DPP10: variants seen among roughly 807,000 people sequenced by gnomAD.
The protein encoded by DPP10 is inactive dipeptidyl peptidase 10.
Under a neutral mutation model 120.9 loss-of-function variants are expected in DPP10, and 33 were observed. The observed-to-expected ratio is 0.27, with a 90% confidence interval of 0.21 to 0.37. The LOEUF (loss-of-function observed/expected upper bound fraction) is 0.37. Ranked by LOEUF, DPP10 falls within the 10% of genes least tolerant of loss-of-function variation. The pLI, the probability that DPP10 is intolerant of heterozygous loss-of-function variation, is 1.00. For synonymous variants in DPP10, 337 were observed against 326.1 expected (o/e 1.03, Z -0.36); for missense variants, 816 against 942.8 (o/e 0.87, Z 1.76).
intron 1 of DPP10, among the ~76,000 whole-genome samples, chr2:114,810,561 T>C (rs1289556784): frequency 1.3e-5 from 2 of 152,254 alleles, no homozygotes; most frequent in Non-Finnish European, 2.9e-5. Context: ...AATAATTTAA[T>C]CCTTCTTTTA....
rs777308483 is a variant in DPP10 at position 115,698,327 on chromosome 2, C to T, written c.576+8406C>T. Among the ~76,000 whole-genome samples, 24 of 152,246 alleles carry T rather than the reference C, an allele frequency of 1.6e-4. 1 individual carries two copies. The highest frequency in any genetic ancestry group is 6.8e-3 in the Middle Eastern group (2 of 292). On this transcript the variant is annotated intron_variant, in intron 7 of 25. Coordinates refer to ENST00000410059, the MANE Select transcript of DPP10 (RefSeq NM_020868.6). ...TTAGAGATGAAGTAAAATGAAAGCA[C>T]AACATACCAAAATGTATGAGATGCA...
chr2:115,333,324 T>C (rs2062876812), intron 2 of DPP10, among the ~76,000 whole-genome samples: 1 of 152,122 alleles, frequency 6.6e-6, no homozygotes, highest in South Asian at 2.1e-4. Context: ...TGTCTCTGCA[T>C]GTGAGATGCG....
intron 21 of DPP10, among the ~76,000 whole-genome samples, chr2:115,835,092 C>G (rs925191945): frequency 6.6e-6 from 1 of 151,280 alleles, no homozygotes; most frequent in African/African-American, 2.4e-5. Flanking sequence ...GCCGAGATCG[C>G]ACCACTGCAC....
At chr2:115,698,564 T>C (rs2091718782) in intron 7 of DPP10, among the ~76,000 whole-genome samples, 1 of 152,166 alleles carries the variant, frequency 6.6e-6, no homozygotes, top group Non-Finnish European at 1.5e-5. Flanking sequence ...GAGGAAGATC[T>C]CTCACTCTTT....
intron 7 of DPP10, among the ~76,000 whole-genome samples, chr2:115,698,815 A>G (rs1448873736): frequency 6.6e-6 from 1 of 152,146 alleles, no homozygotes; most frequent in Non-Finnish European, 1.5e-5. Context: ...TGAAAGGATT[A>G]AGACACTCAC....
chr2:115,828,314 T>A (rs1688585925), intron 21 of DPP10, among the ~76,000 whole-genome samples: 1 of 152,128 alleles, frequency 6.6e-6, no homozygotes, highest in African/African-American at 2.4e-5. Flanking sequence ...TCTTTATGAT[T>A]AATTTTAATG....
intron 1 of DPP10, among the ~76,000 whole-genome samples, chr2:114,735,329 A>G (rs112536520): frequency 5.3e-5 from 8 of 152,290 alleles, no homozygotes; most frequent in African/African-American, 1.9e-4. Context: ...CTTTGGCACC[A>G]GCGAATTTTT....
chr2:115,507,606 G>A (rs1278402582), intron 4 of DPP10, among the ~76,000 whole-genome samples: 2 of 152,096 alleles, frequency 1.3e-5, no homozygotes, highest in South Asian at 2.1e-4. Flanking sequence ...ATATGTAAGT[G>A]GTGGACATGG....
At chr2:115,834,104 A>G (rs1219292527) in intron 21 of DPP10, among the ~76,000 whole-genome samples, 2 of 152,176 alleles carry the variant, frequency 1.3e-5, no homozygotes, top group Non-Finnish European at 2.9e-5. Flanking sequence ...ACTAATCGTT[A>G]AAGCTTTGCT....
At chr2:114,854,187 A>G (rs1689190927) in intron 1 of DPP10, among the ~76,000 whole-genome samples, 1 of 152,150 alleles carries the variant, frequency 6.6e-6, no homozygotes, top group Non-Finnish European at 1.5e-5. Context: ...CTCTCCTATA[A>G]TGCCTCACTC....
At chr2:115,639,470 C>T (rs574122309) in intron 5 of DPP10, among the ~76,000 whole-genome samples, 160 of 152,216 alleles carry the variant, frequency 1.1e-3, no homozygotes, top group Non-Finnish European at 2.0e-3. Flanking sequence ...GAAACGAAGT[C>T]AGGTGCAGTA....
At chr2:115,147,128 A>G (rs1429875703) in intron 1 of DPP10, among the ~76,000 whole-genome samples, 2 of 151,608 alleles carry the variant, frequency 1.3e-5, no homozygotes, top group Non-Finnish European at 2.9e-5. Context: ...AACTGAATAT[A>G]TTTGCATATT....
At chr2:115,187,016 ATTCTT>A (rs2054493110) in intron 1 of DPP10, among the ~76,000 whole-genome samples, 1 of 100,492 alleles carries the variant, frequency 1.0e-5, no homozygotes, top group African/African-American at 3.8e-5. Context: ...TGGTGCAAAG[ATTCTT>A]TTTTTTTTTT....
intron 17 of DPP10, among the ~76,000 whole-genome samples, chr2:115,783,889 T>C (rs2149878969): frequency 6.6e-6 from 1 of 152,152 alleles, no homozygotes; most frequent in South Asian, 2.1e-4. Flanking sequence ...TAAACAAATG[T>C]GTTTGCAGTG....
intron 24 of DPP10, among the ~76,000 whole-genome samples, chr2:115,837,361 A>G (rs1054036541): frequency 5.3e-5 from 8 of 152,192 alleles, no homozygotes; most frequent in African/African-American, 1.9e-4. Flanking sequence ...CAAAGAATCT[A>G]TATTTTATTA....
At chr2:115,316,293 T>C (rs2061789220) in intron 2 of DPP10, among the ~76,000 whole-genome samples, 1 of 152,200 alleles carries the variant, frequency 6.6e-6, no homozygotes, top group South Asian at 2.1e-4. Flanking sequence ...TCTCAGGCAC[T>C]TTTAGCTTTG....
intron 5 of DPP10, among the ~76,000 whole-genome samples, chr2:115,615,952 A>G (rs1017217754): frequency 5.8e-4 from 88 of 152,210 alleles, no homozygotes; most frequent in Non-Finnish European, 1.9e-4. Flanking sequence ...TTCAAAAATT[A>G]GAAGTATTTT....
chr2:115,531,400 C>T (rs914042712), intron 5 of DPP10, among the ~76,000 whole-genome samples: 1 of 152,060 alleles, frequency 6.6e-6, no homozygotes, highest in African/African-American at 2.4e-5. Flanking sequence ...GCTACGCAGC[C>T]AGAATCTCAC....
chr2:114,735,402 A>G (rs1677328666), intron 1 of DPP10, among the ~76,000 whole-genome samples: 1 of 152,126 alleles, frequency 6.6e-6, no homozygotes. Flanking sequence ...TGGTTTCCCT[A>G]AAAAAAGCAA....
Sources: gnomAD v4.1 joint callset for allele counts (sites outside exome capture counted in the v4.1 genomes callset) on GRCh38, gnomAD v4.1.1 for gene constraint, MANE v1.5 for transcripts, NCBI Gene and HGNC (gene_info 2026-07-23, HGNC 2026-07-21) for gene names.